The following ZNF75A variants were observed in gnomAD, a reference collection of about 807,000 sequenced individuals.
ZNF75A encodes the protein zinc finger protein 75A.
In ZNF75A, 36 loss-of-function variants were observed where a neutral mutation model predicts 46.3. The ratio of observed to expected loss-of-function variants is 0.78; its 90% CI spans 0.60 to 1.03. The LOEUF (loss-of-function observed/expected upper bound fraction) is 1.03. Ranked by LOEUF, ZNF75A falls within the 50% of genes least tolerant of loss-of-function variation. ZNF75A has a pLI of 0.00. For synonymous variants in ZNF75A, 234 were observed against 189.9 expected, an observed-to-expected ratio of 1.23 and a Z score of -1.91; for missense variants, 595 against 551.3, an observed-to-expected ratio of 1.08 and a Z score of -0.79.
intron 1 of ZNF75A, chr16:3,307,834 A>G (rs1276420029): frequency 6.6e-6 from 1 of 152,140 alleles, no homozygotes; most frequent in East Asian, 1.9e-4. Context: ...CTGGCCTAAA[A>G]TATTTTTAAA....
At chr16:3,323,184 G>T, downstream of ZNF75A, 1 of 675,448 alleles carries the variant, frequency 1.5e-6, no homozygotes, top group Non-Finnish European at 2.6e-6. Flanking sequence ...TGGCACCTGG[G>T]TCTAGTTCAG....
At chr16:3,313,199 T>C (rs1960942138) in intron 5 of ZNF75A, 24 bp downstream of exon 5, 1 of 1,610,584 alleles carries the variant, frequency 6.2e-7, no homozygotes, top group Admixed American at 1.7e-5. Context: ...CTTCCCTTTA[T>C]GTAGTTGAGT....
chr16:3,310,569 T>A (rs1960684655), intron 2 of ZNF75A: 1 of 658,048 alleles, frequency 1.5e-6, no homozygotes, highest in Non-Finnish European at 1.9e-6. Context: ...GAGACTGCAG[T>A]GAGCCATGAT....
At position 3,318,842 on chromosome 16, in the gene ZNF75A, G is replaced by A; in HGVS notation, c.*973G>A. ...AGACGGTTCCCTAAATAAAAGATTT[G>A]GGCACTGGTGCTAAGTGTTGGGCGA... On this transcript the variant is annotated 3_prime_UTR_variant, in exon 7 of 7. Transcript: ENST00000669516. 7.1e-6 allele frequency: 7 copies of A among 985,372 alleles called. No homozygotes were observed. The highest frequency in any genetic ancestry group is 8.4e-6 in the Non-Finnish European group (7 of 829,930). The allele number at this position is 985,372 out of a possible 1,614,324, so 61.0% of individuals were successfully genotyped here. A position where few individuals can be genotyped will look rare whatever the true frequency, so the allele number is the denominator to read the frequency against.
rs1567265887 is a variant in ZNF75A, at chr16:3,308,473, G to T, written c.45G>T (p.Gln15His). Residue 15 changes from glutamine to histidine, a missense_variant, in exon 2 of 7, where the codon CAG becomes CAT. Physicochemically the swap from Gln to His is conservative, Grantham distance 24. Transcript: ENST00000669516. ...DLKVAAYLDPQIRALWETKGP... is the reference protein window; with the variant it reads ...DLKVAAYLDPHIRALWETKGP... ...AAGTGGCTGCGTACTTGGACCCTCA[G>T]ATCAGGGCTTTGTGGGAGACCAAGG... is the stretch of plus-strand genomic sequence containing the variant. 2.0e-6 allele frequency: 2 copies of T among 985,888 alleles called. No individual in the cohort carries two copies. The highest frequency in any genetic ancestry group is 2.3e-4 in the East Asian group (2 of 8,814). 61.1% of individuals were successfully genotyped at this position (985,888 alleles called of 1,614,324 possible).
At chr16:3,305,971 C>A (rs1453694153) in intron 1 of ZNF75A, 2 of 152,266 alleles carry the variant, frequency 1.3e-5, no homozygotes, top group Admixed American at 6.5e-5. Context: ...CTCTTTCCCG[C>A]CTCCGCCGGC....
Position 3,317,373 on chromosome 16 carries a change from A to G in ZNF75A, c.1118A>G (p.Lys373Arg). 12 of 1,614,150 alleles carry G rather than the reference A, an allele frequency of 7.4e-6. No homozygotes were observed. Among genetic ancestry groups the G allele is most frequent in the Non-Finnish European group, 9.3e-6 (11 of 1,180,016 alleles). Residue 373 changes from lysine (K) to arginine (R), a missense_variant, in exon 7 of 7, where the codon AAG becomes AGG. By Grantham distance (26) the Lys-to-Arg change is conservative (BLOSUM62 2). Transcript: ENST00000669516. ...AAATGGCACCAAGATTTTCCAGTGA[A>G]GAAAAGAAAGAAACTTTCAACCTGG... ...VGKWHQDFPV[K>R]KRKKLSTWKQ...
At position 3,317,610 on chromosome 16, in the gene ZNF75A, A is replaced by T; in HGVS notation, c.1355A>T (p.His452Leu). ...SSDLNKHLTT[H>L]QGIKPYKCSW... The stretch of plus-strand genomic sequence containing the variant: ...GATCTTAATAAGCACTTAACAACAC[A>T]CCAAGGAATAAAACCATATAAATGT... The change falls in exon 7 of 7, where the codon CAC becomes CTC. Residue 452 changes from histidine to leucine, a missense_variant. By Grantham distance (99) the His-to-Leu change is moderately conservative. Transcript: ENST00000669516. 3 of 1,614,190 alleles carry T rather than the reference A, an allele frequency of 1.9e-6. No homozygotes were observed. The highest frequency in any genetic ancestry group is 2.5e-6 in the Non-Finnish European group (3 of 1,180,024).
In ZNF75A at chr16:3,317,197, G is replaced by A. The variant is rs1961279540; in HGVS notation, c.942G>A (p.Lys314=). 2 of 1,610,274 alleles carry A rather than the reference G, an allele frequency of 1.2e-6. No homozygotes were observed. The highest frequency in any genetic ancestry group is 1.7e-6 in the Non-Finnish European group (2 of 1,178,250). Residue 314 remains lysine, a synonymous_variant, in exon 7 of 7, where the codon AAG becomes AAA. Transcript: ENST00000669516. ...DSAGKSPTGL[K]LKNDTENHQP... ...TTATGTTTATTCCAACAGGGTTAAA[G>A]CTCAAAAACGACACTGAAAATCATC...
chr16:3,319,723 G>A (rs566130576), downstream of ZNF75A, among the ~76,000 whole-genome samples: 28 of 152,096 alleles, frequency 1.8e-4, no homozygotes, highest in African/African-American at 6.5e-4. Context: ...TCTAAGACGG[G>A]TATGAGATAG....
At chr16:3,311,295 A>G (rs1960767661) in intron 2 of ZNF75A, among the ~76,000 whole-genome samples, 1 of 152,070 alleles carries the variant, frequency 6.6e-6, no homozygotes, top group Non-Finnish European at 1.5e-5. Context: ...AAAATTAGCC[A>G]GGCGTGGTGG....
chr16:3,323,364 G>A, downstream of ZNF75A: 1 of 1,060,440 alleles, frequency 9.4e-7, no homozygotes, highest in Non-Finnish European at 1.4e-6. Flanking sequence ...TCATGAATGA[G>A]GTCTTCCAAG....
chr16:3,312,968 G>A (rs113116268), intron 4 of ZNF75A, 81 bp from the exon 5 acceptor site: 248 of 1,473,618 alleles, frequency 1.7e-4, no homozygotes, highest in Admixed American at 7.6e-4. Context: ...TTCCTTTATC[G>A]CCTGGCCAAT....
chr16:3,314,715 G>A (rs1961068953), intron 5 of ZNF75A: 6 of 985,316 alleles, frequency 6.1e-6, no homozygotes, highest in Non-Finnish European at 6.0e-6. Flanking sequence ...GCAGTGGCAA[G>A]TTCAGAGCTG....
At chr16:3,306,549 T>A (rs1960265312) in intron 1 of ZNF75A, 1 of 151,852 alleles carries the variant, frequency 6.6e-6, no homozygotes, top group Admixed American at 6.6e-5. Flanking sequence ...CTGTCTCTAC[T>A]AAAAACACAA....
At chr16:3,317,081 A>C (rs1397030297) in intron 6 of ZNF75A, 59 bp downstream of exon 6, 3 of 1,543,698 alleles carry the variant, frequency 1.9e-6, no homozygotes, top group Admixed American at 2.1e-5. Flanking sequence ...GCAAGGGCTT[A>C]ACATTTTAAG....
At chr16:3,314,652 A>G (rs1961064319) in intron 5 of ZNF75A, 1 of 984,988 alleles carries the variant, frequency 1.0e-6, no homozygotes, top group Non-Finnish European at 1.2e-6. Context: ...TATTCTGTTA[A>G]TTTCTTTAGC....
downstream of ZNF75A, chr16:3,322,840 G>C: frequency 7.7e-6 from 7 of 914,772 alleles, no homozygotes; most frequent in Non-Finnish European, 9.1e-6. Context: ...CCCTGGGCTT[G>C]GTCGACTGCT....
At chr16:3,306,237 A>G (rs866478020) in intron 1 of ZNF75A, 21 of 152,264 alleles carry the variant, frequency 1.4e-4, no homozygotes, top group Non-Finnish European at 2.5e-4. Context: ...GAGAAATACA[A>G]AGTCAGCAGA....
Sources: allele counts gnomAD v4.1 joint callset (sites outside exome capture counted in the v4.1 genomes callset), GRCh38; gene constraint gnomAD v4.1.1; transcripts MANE v1.5; gene names NCBI Gene and HGNC (gene_info 2026-07-23, HGNC 2026-07-21).